Variants in KIF13A observed in about 807,000 individuals in gnomAD.
KIF13A encodes the protein kinesin family member 13A, also known as kinesin-like protein KIF13A.
KIF13A carries 79 observed loss-of-function variants against 212.2 expected under a neutral mutation model. The ratio of observed to expected loss-of-function variants is 0.37; its 90% confidence interval spans 0.31 to 0.45. KIF13A has a LOEUF of 0.45. Ranked by LOEUF, KIF13A falls within the 20% of genes least tolerant of loss-of-function variation. The pLI is 1.00. For missense variants in KIF13A, 1,901 were observed against 2,209.0 expected (o/e 0.86, Z 2.79); for synonymous variants, 789 against 808.6 (o/e 0.98, Z 0.41).
At chr6:17,884,167 A>G (rs1771335177) in intron 3 of KIF13A, among the ~76,000 whole-genome samples, 2 of 152,110 alleles carry the variant, frequency 1.3e-5, no homozygotes. Context: ...GGGCTGTCTT[A>G]GCCAACAGCT....
In KIF13A at chr6:17,943,792, G is replaced by A. The variant is rs570133026; in HGVS notation, c.146+43262C>T. Reference sequence around the variant, plus strand: ...CAACTCAACGGGGAGGCGTGGAAGTGCGTGGCATGCAACTGGGATGTCCAT... The same window carrying A: ...CAACTCAACGGGGAGGCGTGGAAGTACGTGGCATGCAACTGGGATGTCCAT... On this transcript the variant is annotated intron_variant, in intron 2 of 38. Transcript: ENST00000259711. 2.0e-3 allele frequency among the ~76,000 whole-genome samples: 307 copies of A among 152,276 alleles called. 1 individual carries two copies. Among genetic ancestry groups the A allele is most frequent in the African/African-American group, 7.1e-3 (294 of 41,550 alleles).
At chr6:17,902,920 T>C (rs997449232) in intron 2 of KIF13A, among the ~76,000 whole-genome samples, 2 of 152,224 alleles carry the variant, frequency 1.3e-5, no homozygotes, top group African/African-American at 4.8e-5. Context: ...AATAATTTTT[T>C]TACATTAGTG....
chr6:17,976,255 G>A (rs1780459264), intron 2 of KIF13A, among the ~76,000 whole-genome samples: 1 of 152,214 alleles, frequency 6.6e-6, no homozygotes, highest in African/African-American at 2.4e-5. Flanking sequence ...TCGTCAGGGA[G>A]GCTCGGGCTG....
intron 18 of KIF13A, 98 bp downstream of exon 18, chr6:17,808,670 G>T: frequency 9.2e-7 from 1 of 1,086,402 alleles, no homozygotes; most frequent in Non-Finnish European, 1.3e-6. Flanking sequence ...CTGATATCAG[G>T]ATCTCCTCAG....
chr6:17,841,146 C>T (rs530856937), intron 9 of KIF13A, among the ~76,000 whole-genome samples: 4 of 150,740 alleles, frequency 2.7e-5, no homozygotes, highest in African/African-American at 9.8e-5. Flanking sequence ...AATCATGGCT[C>T]GCTGCAGCCT....
intron 2 of KIF13A, among the ~76,000 whole-genome samples, chr6:17,906,382 CCCTG>C (rs1029062868): frequency 1.0e-4 from 15 of 148,704 alleles, no homozygotes; most frequent in African/African-American, 3.7e-4. Flanking sequence ...CTCCCTCCCT[CCCTG>C]CCTTCCTTTC....
At chr6:17,873,126 T>TA (rs745702759) in intron 4 of KIF13A, 3 of 393,180 alleles carry the variant, frequency 7.6e-6, no homozygotes, top group Non-Finnish European at 1.4e-5. Flanking sequence ...GGAATGAGGA[T>TA]AAAATACCAC....
rs1479475011 is a variant in KIF13A at position 17,899,252 on chromosome 6, C to T, written c.147-1072G>A. The stretch of plus-strand genomic sequence containing the variant: ...ATGCAATCTTATGACAGTTCTTGGC[C>T]TTCCTGATAGTTACTCTTGATCAAC... On this transcript the variant is annotated intron_variant, in intron 2 of 38. Transcript: ENST00000259711. The surrounding 1 kb of genome is among the most constrained non-coding windows in gnomAD (Gnocchi z 5.2). 2.0e-5 allele frequency among the ~76,000 whole-genome samples: 3 copies of T among 152,052 alleles called. No individual in the cohort carries two copies. The highest frequency in any genetic ancestry group is 7.3e-5 in the African/African-American group (3 of 41,312).
chr6:17,950,957 A>C (rs878986259), intron 2 of KIF13A: 2 of 971,716 alleles, frequency 2.1e-6, no homozygotes, highest in South Asian at 4.8e-5. Context: ...AACTTTCTTA[A>C]TTTTAAATTT....
At chr6:17,818,251 CA>C (rs1764125434) in intron 16 of KIF13A, among the ~76,000 whole-genome samples, 2 of 152,180 alleles carry the variant, frequency 1.3e-5, no homozygotes. Context: ...GCCTGCTATT[CA>C]GTGCCATTTA....
At chr6:17,861,490 C>G (rs1228881309) in intron 4 of KIF13A, among the ~76,000 whole-genome samples, 1 of 151,898 alleles carries the variant, frequency 6.6e-6, no homozygotes, top group East Asian at 1.9e-4. Context: ...ACATGTTTAC[C>G]TCTGTGCAGT....
intron 2 of KIF13A, among the ~76,000 whole-genome samples, chr6:17,937,481 C>T (rs1776568120): frequency 6.6e-6 from 1 of 152,202 alleles, no homozygotes; most frequent in Non-Finnish European, 1.5e-5. Flanking sequence ...GTCCTGAAGA[C>T]ACAGTAAATC....
At position 17,963,345 on chromosome 6, in the gene KIF13A, G is replaced by A. The variant is rs975078842; in HGVS notation, c.146+23709C>T. ...ACGCAGGAGAATCACTTGAACCTGG[G>A]AGGGAGAGGCTGCAGTGAGCTAAGA... On this transcript the variant is annotated intron_variant, in intron 2 of 38. Transcript: ENST00000259711. This position sits in a 1 kb window ranked among gnomAD's most constrained non-coding sequence, Gnocchi z 4.1. 2.0e-5 allele frequency among the ~76,000 whole-genome samples: 3 copies of A among 152,188 alleles called. No individual in the cohort carries two copies. Among genetic ancestry groups the A allele is most frequent in the Non-Finnish European group, 4.4e-5 (3 of 68,036 alleles).
At chr6:17,976,479 G>T (rs1027076847) in intron 2 of KIF13A, among the ~76,000 whole-genome samples, 12 of 152,208 alleles carry the variant, frequency 7.9e-5, no homozygotes, top group African/African-American at 2.2e-4. Flanking sequence ...TGGCTGCTCC[G>T]AATGCGGGGC....
intron 2 of KIF13A, among the ~76,000 whole-genome samples, chr6:17,976,433 C>T (rs1368696796): frequency 6.6e-6 from 1 of 152,240 alleles, no homozygotes; most frequent in Non-Finnish European, 1.5e-5. Context: ...GGCCCGGGTG[C>T]TAAGCCCTTC....
chr6:17,864,308 C>G (rs544923031), intron 4 of KIF13A, among the ~76,000 whole-genome samples: 1 of 152,252 alleles, frequency 6.6e-6, no homozygotes, highest in African/African-American at 2.4e-5. Flanking sequence ...ACCACAATGC[C>G]AATTTCCTCT....
chr6:17,957,994 G>A (rs1034515805), intron 2 of KIF13A, among the ~76,000 whole-genome samples: 1 of 152,158 alleles, frequency 6.6e-6, no homozygotes, highest in Non-Finnish European at 1.5e-5. Context: ...CTAGGAAACA[G>A]TCACAGAAAA....
At chr6:17,966,328 T>C (rs926562258) in intron 2 of KIF13A, among the ~76,000 whole-genome samples, 8 of 152,166 alleles carry the variant, frequency 5.3e-5, no homozygotes, top group African/African-American at 1.4e-4. Context: ...TGGCCTAACA[T>C]AGCAACCTTA....
chr6:17,894,627 TTA>T (rs1277936255), intron 3 of KIF13A, among the ~76,000 whole-genome samples: 1 of 152,188 alleles, frequency 6.6e-6, no homozygotes, highest in African/African-American at 2.4e-5. Flanking sequence ...ATTAACATCT[TTA>T]TTAGTGTGGT....
Sources: allele counts gnomAD v4.1 joint callset (sites outside exome capture counted in the v4.1 genomes callset), GRCh38; gene constraint gnomAD v4.1.1; non-coding constraint Gnocchi (gnomAD v3.1); transcripts MANE v1.5; gene names NCBI Gene and HGNC (gene_info 2026-07-23, HGNC 2026-07-21).